Variants in TMEM132E observed in about 807,000 individuals in gnomAD.
TMEM132E encodes transmembrane protein 132E.
Under a neutral mutation model 78.5 loss-of-function variants are expected in TMEM132E, and 49 were observed. That is an observed-to-expected ratio of 0.62 (90% CI 0.50 to 0.79). The LOEUF (loss-of-function observed/expected upper bound fraction) is 0.79, where lower values mean the gene tolerates loss of function less well. Ranked by LOEUF, TMEM132E falls within the 30% of genes least tolerant of loss-of-function variation. TMEM132E has a pLI of 0.00. For missense variants in TMEM132E, 1,403 were observed against 1,470.9 expected, an observed-to-expected ratio of 0.95 and a Z score of 0.75; for synonymous variants, 715 against 670.6, an observed-to-expected ratio of 1.07 and a Z score of -1.02.
intron 1 of TMEM132E, among the ~76,000 whole-genome samples, chr17:34,624,886 C>G (rs992268390): frequency 6.6e-6 from 1 of 152,216 alleles, no homozygotes; most frequent in African/African-American, 2.4e-5. Flanking sequence ...ACAACACAGC[C>G]TCCTGCGAGA....
In TMEM132E at chr17:34,632,168, G is replaced by A. The variant is rs1240760697; in HGVS notation, c.1483-536G>A. 5.3e-5 allele frequency among the ~76,000 whole-genome samples: 8 copies of A among 152,292 alleles called. 1 individual carries two copies. Among genetic ancestry groups the A allele is most frequent in the Admixed American group, 1.3e-4 (2 of 15,294 alleles). ...ACCTGGTTAAGCAGCCCCCCTCACC[G>A]GAAATTAACTACCTGCCCATTCTCC... is the stretch of plus-strand genomic sequence containing the variant. On this transcript the variant is annotated intron_variant, in intron 5 of 8. Transcript: ENST00000631683.
chr17:34,581,185 C>A (rs1222656345), intron 1 of TMEM132E, 42 bp downstream of exon 1: 7 of 1,478,736 alleles, frequency 4.7e-6, no homozygotes, highest in African/African-American at 1.5e-5. Flanking sequence ...ATGCGGCAGG[C>A]GCCACTGGAG....
chr17:34,615,742 T>A (rs760340352), intron 1 of TMEM132E, among the ~76,000 whole-genome samples: 1 of 151,602 alleles, frequency 6.6e-6, no homozygotes, highest in Non-Finnish European at 1.5e-5. Flanking sequence ...GGATTCGCAT[T>A]GGGTTCACAT....
intron 1 of TMEM132E, among the ~76,000 whole-genome samples, chr17:34,584,590 C>G (rs955021944): frequency 1.3e-5 from 2 of 152,174 alleles, no homozygotes; most frequent in African/African-American, 4.8e-5. Context: ...TTGCATGGCT[C>G]TCCAGTGTTT....
chr17:34,628,806 C>T, intron 3 of TMEM132E, 97 bp downstream of exon 3: 2 of 1,441,952 alleles, frequency 1.4e-6, no homozygotes, highest in Non-Finnish European at 1.8e-6. Context: ...TTGGGGAGGG[C>T]TGGGGCTCGG....
intron 1 of TMEM132E, among the ~76,000 whole-genome samples, chr17:34,591,079 G>A (rs1252318407): frequency 1.3e-5 from 2 of 152,176 alleles, no homozygotes; most frequent in East Asian, 1.9e-4. Flanking sequence ...ACCTCTGTAA[G>A]ACTGGATGGC....
In TMEM132E at chr17:34,602,992, G is replaced by A. The variant is rs1042918341; in HGVS notation, c.67+21849G>A. The stretch of plus-strand genomic sequence containing the variant: ...TCAAACACTAGAGCCAGCTACATGG[G>A]GCTAGGAGGTGGCATTGCCTCCCAG... On this transcript the variant is annotated intron_variant, in intron 1 of 8. Coordinates refer to ENST00000631683, the MANE Select transcript of TMEM132E (RefSeq NM_001304438.2). Among the ~76,000 whole-genome samples the A allele has an allele frequency of 3.3e-5, 5 of 152,236 alleles. 1 individual carries two copies. In the South Asian group the frequency reaches 1.0e-3, roughly 32 times the overall value.
rs570070256 is a variant in TMEM132E at position 34,626,281 on chromosome 17, G to C, written c.222G>C (p.Gln74His). The change falls in exon 2 of 9, where the codon CAG becomes CAC. Residue 74 changes from glutamine to histidine, a missense_variant. Physicochemically the swap from Gln to His is conservative, Grantham distance 24 (BLOSUM62 0). This residue lies in a region of TMEM132E where 511 missense variants were observed against 499.0 expected (regional missense o/e 1.02). Coordinates refer to ENST00000631683, the MANE Select transcript of TMEM132E (RefSeq NM_001304438.2). The part of the protein sequence containing the change: ...PSPAVANSSL[Q>H]RSEPFVVFQT... ...CCGCGGTCGCCAACAGCTCTCTGCA[G>C]CGCTCCGAGCCCTTCGTGGTGTTCC... 3 of 1,608,912 alleles carry C rather than the reference G, an allele frequency of 1.9e-6. No homozygotes were observed. The highest frequency in any genetic ancestry group is 2.2e-5 in the South Asian group (2 of 90,084).
chr17:34,620,365 T>C (rs534460763), intron 1 of TMEM132E, among the ~76,000 whole-genome samples: 9 of 152,252 alleles, frequency 5.9e-5, no homozygotes, highest in Non-Finnish European at 1.3e-4. Context: ...TAGTATTATA[T>C]ATAGAGGCCC....
At chr17:34,599,341 A>G (rs1906158967) in intron 1 of TMEM132E, among the ~76,000 whole-genome samples, 1 of 152,202 alleles carries the variant, frequency 6.6e-6, no homozygotes, top group Non-Finnish European at 1.5e-5. Flanking sequence ...CCCACTGTCT[A>G]GCCATAAGCG....
In TMEM132E at chr17:34,615,517, ATGTGTGTGTG is replaced by A. The variant is rs3048841; in HGVS notation, c.68-10584_68-10575del. ...GCCTGCAAGGGGAAGACTGGCACAG[ATGTGTGTGTG>A]TGTGTGTGTGTGTGTGTGTGTGTGT... is the stretch of plus-strand genomic sequence containing the variant. On this transcript the variant is annotated intron_variant, in intron 1 of 8. Coordinates refer to ENST00000631683, the MANE Select transcript of TMEM132E (RefSeq NM_001304438.2). Among the ~76,000 whole-genome samples the A allele has an allele frequency of 1.6e-4, 23 of 140,884 alleles. 1 individual carries two copies. Among genetic ancestry groups the A allele is most frequent in the South Asian group, 4.8e-4 (2 of 4,142 alleles). 92.4% of individuals were successfully genotyped at this position (140,884 alleles called of 152,430 possible).
rs779924004 is a variant in TMEM132E at position 34,630,057 on chromosome 17, T to C, written c.1388T>C (p.Ile463Thr). Reference protein sequence around the residue: ...TAILTGRTVAIPVKVIAIEVN... With the variant: ...TAILTGRTVATPVKVIAIEVN... ...ATTCTGACTGGCCGGACAGTGGCCATCCCTGTCAAGGTCATTGCCATCGAG... is the reference window on the plus strand; with the variant it reads ...ATTCTGACTGGCCGGACAGTGGCCACCCCTGTCAAGGTCATTGCCATCGAG... Residue 463 changes from isoleucine to threonine, a missense_variant, in exon 5 of 9, where the codon ATC becomes ACC. By Grantham distance (89) the Ile-to-Thr change is moderately conservative. Transcript: ENST00000631683. The C allele has an allele frequency of 1.2e-6, 2 of 1,613,410 alleles. No individual in the cohort carries two copies. The highest frequency in any genetic ancestry group is 1.1e-5 in the South Asian group (1 of 91,060).
chr17:34,596,838 T>C (rs1378121058), intron 1 of TMEM132E, among the ~76,000 whole-genome samples: 1 of 142,390 alleles, frequency 7.0e-6, no homozygotes, highest in Admixed American at 7.1e-5. Flanking sequence ...TTTCTGTAAA[T>C]TGCTCTAAGT....
intron 1 of TMEM132E, among the ~76,000 whole-genome samples, chr17:34,609,571 T>C (rs1906523043): frequency 6.6e-6 from 1 of 152,172 alleles, no homozygotes; most frequent in Non-Finnish European, 1.5e-5. Context: ...TCCCCTGCCT[T>C]TGCCCTGCTG....
Position 34,601,396 on chromosome 17 carries a change from T to C in TMEM132E, c.67+20253T>C, listed in dbSNP as rs548595329. On this transcript the variant is annotated intron_variant, in intron 1 of 8. Coordinates refer to ENST00000631683, the MANE Select transcript of TMEM132E (RefSeq NM_001304438.2). ...GAGATCCCCCAGTCCCTGACTGCCC[T>C]GTCCCAGGCTGGGCTGTCTCTACTG... 7.2e-5 allele frequency among the ~76,000 whole-genome samples: 11 copies of C among 152,344 alleles called. No homozygotes were observed. The South Asian group carries it at 2.3e-3, about 32-fold the overall frequency.
chr17:34,581,462 T>G (rs1377355388), intron 1 of TMEM132E, among the ~76,000 whole-genome samples: 2 of 151,026 alleles, frequency 1.3e-5, no homozygotes, highest in South Asian at 2.1e-4. Context: ...CGAGGGATCC[T>G]CCGGATCGCG....
intron 1 of TMEM132E, among the ~76,000 whole-genome samples, chr17:34,587,418 G>A (rs1219194870): frequency 3.3e-5 from 5 of 152,154 alleles, no homozygotes; most frequent in African/African-American, 1.2e-4. Flanking sequence ...AACAAGGGAG[G>A]CAAATTTCCA....
Position 34,637,737 on chromosome 17 carries a change from C to A in TMEM132E, c.2730C>A (p.Ile910=), listed in dbSNP as rs763524517. 3 of 1,613,648 alleles carry A rather than the reference C, an allele frequency of 1.9e-6. No homozygotes were observed. The highest frequency in any genetic ancestry group is 2.5e-6 in the Non-Finnish European group (3 of 1,180,002). ...LAILVFLINC[I]VFVLRYRHKR... is the part of the protein sequence containing the mutation. Reference sequence around the variant, plus strand: ...TCCTCGTCTTCCTCATCAACTGCATCGTTTTTGTGCTGCGCTACCGGCACA... The same window carrying A: ...TCCTCGTCTTCCTCATCAACTGCATAGTTTTTGTGCTGCGCTACCGGCACA... The change falls in exon 9 of 9, where the codon ATC becomes ATA. Residue 910 remains isoleucine (I), a synonymous_variant. Transcript: ENST00000631683.
intron 1 of TMEM132E, among the ~76,000 whole-genome samples, chr17:34,591,307 ATT>A (rs60612426): frequency 8.9e-5 from 13 of 146,608 alleles, no homozygotes; most frequent in East Asian, 4.0e-4. Context: ...CTCCCTCACT[ATT>A]TTTTTTTTTT....
Sources: allele counts gnomAD v4.1 joint callset (sites outside exome capture counted in the v4.1 genomes callset), GRCh38; gene constraint gnomAD v4.1.1; regional missense constraint gnomAD v4.1.1; transcripts MANE v1.5; gene names NCBI Gene and HGNC (gene_info 2026-07-23, HGNC 2026-07-21).